Variants in ARHGAP8 observed in about 807,000 individuals in gnomAD.
ARHGAP8 encodes rho GTPase-activating protein 8.
Under a neutral mutation model 46.1 loss-of-function variants are expected in ARHGAP8, and 62 were observed. The ratio of observed to expected loss-of-function variants is 1.34; its 90% CI spans 1.10 to 1.66. ARHGAP8 has a LOEUF of 1.66. Among genes scored for constraint, ARHGAP8 ranks in the 40% most tolerant of loss-of-function variants. ARHGAP8 has a pLI of 0.00. For synonymous variants in ARHGAP8, 375 were observed against 243.1 expected (o/e 1.54, Z -5.05); for missense variants, 923 against 568.4 (o/e 1.62, Z -6.34).
chr22:44,834,096 C>G (rs996844981), intron 7 of ARHGAP8, among the ~76,000 whole-genome samples: 8 of 151,982 alleles, frequency 5.3e-5, no homozygotes, highest in African/African-American at 1.7e-4. Flanking sequence ...TTCAAGGAGT[C>G]AACTTTTGGT....
intron 1 of ARHGAP8, among the ~76,000 whole-genome samples, chr22:44,774,372 C>G (rs1200955178): frequency 6.6e-6 from 1 of 152,176 alleles, no homozygotes; most frequent in Admixed American, 6.5e-5. Flanking sequence ...GCTGACACAG[C>G]TGCAGTGATA....
chr22:44,825,232 C>T (rs1383484692), intron 6 of ARHGAP8, among the ~76,000 whole-genome samples: 2 of 152,084 alleles, frequency 1.3e-5, no homozygotes, highest in Non-Finnish European at 2.9e-5. Context: ...GCTCTGCTGG[C>T]CAGGGGCCTC....
intron 2 of ARHGAP8, 36 bp downstream of exon 2, chr22:44,786,642 G>A (rs760623314): frequency 1.3e-6 from 2 of 1,596,398 alleles, no homozygotes; most frequent in East Asian, 2.3e-5. Flanking sequence ...AGGACCATGG[G>A]CAGAGCAGCC....
At chr22:44,795,085 A>G (rs1180843425) in intron 2 of ARHGAP8, among the ~76,000 whole-genome samples, 1 of 152,112 alleles carries the variant, frequency 6.6e-6, no homozygotes, top group Non-Finnish European at 1.5e-5. Context: ...TATGAAAACA[A>G]AATACCAAAT....
chr22:44,857,955 G>T (rs62232226), intron 10 of ARHGAP8, among the ~76,000 whole-genome samples: 22,643 of 144,980 alleles, frequency 0.16, 2,209 homozygotes, highest in African/African-American at 0.29. Flanking sequence ...CAGAGCTGAG[G>T]GTGACCTGCA....
Position 44,766,948 on chromosome 22 carries a change from A to C in ARHGAP8, c.-72+14321A>C, listed in dbSNP as rs1215096344. On this transcript the variant is annotated intron_variant, in intron 1 of 11. Transcript: ENST00000356099. Reference sequence around the variant, plus strand: ...CAGGTGGAGTGAGGAGGCTGGTTGAAAATGGATATCAAGTCTGGGAAAATG... The same window carrying C: ...CAGGTGGAGTGAGGAGGCTGGTTGACAATGGATATCAAGTCTGGGAAAATG... Among the ~76,000 whole-genome samples, 3 of 152,182 alleles carry C rather than the reference A, an allele frequency of 2.0e-5. No individual in the cohort carries two copies. In the South Asian group the frequency reaches 6.2e-4, roughly 32 times the overall value.
At chr22:44,787,282 C>T (rs1927326870) in intron 2 of ARHGAP8, among the ~76,000 whole-genome samples, 1 of 152,198 alleles carries the variant, frequency 6.6e-6, no homozygotes, top group South Asian at 2.1e-4. Context: ...CAAACAACTC[C>T]GTGCCCAGCA....
In ARHGAP8 at chr22:44,862,122, G is replaced by A. The variant is rs73889805; in HGVS notation, c.982-153G>A. Among the ~76,000 whole-genome samples, 1,439 of 152,302 alleles carry A rather than the reference G, an allele frequency of 9.4e-3. 25 individuals carry two copies. Among genetic ancestry groups the A allele is most frequent in the African/African-American group, 0.031 (1,296 of 41,566 alleles). On this transcript the variant is annotated intron_variant, in intron 11 of 11. Transcript: ENST00000356099. ...GGGTAACTAAGGCCCTGAGTGGGCA[G>A]GTGGCTGCACAGGGTCCCCATTACT...
rs554264863 is a variant in ARHGAP8 at position 44,800,220 on chromosome 22, C to T, written c.80-1857C>T. Among the ~76,000 whole-genome samples, 31 of 151,630 alleles carry T rather than the reference C, an allele frequency of 2.0e-4. No individual in the cohort carries two copies. In the East Asian group the frequency reaches 3.9e-3, roughly 19 times the overall value. On this transcript the variant is annotated intron_variant, in intron 2 of 11. Transcript: ENST00000356099. ...CCGGGTTCAAGCCATTCTCCTGCCT[C>T]AGCCTCCCAGGTAGCTAGGACTGTA...
chr22:44,768,014 T>TTTTTTG (rs1925714912), intron 1 of ARHGAP8, among the ~76,000 whole-genome samples: 1 of 123,632 alleles, frequency 8.1e-6, no homozygotes. Context: ...TTTTTTTTTT[T>TTTTTTG]TGTGAGACAG....
intron 2 of ARHGAP8, among the ~76,000 whole-genome samples, chr22:44,793,451 G>A (rs143311035): frequency 9.2e-5 from 14 of 152,246 alleles, no homozygotes; most frequent in East Asian, 5.8e-4. Flanking sequence ...TTCCGTTGCC[G>A]GCTGGGCTTT....
At chr22:44,814,434 C>T (rs1170579948) in intron 4 of ARHGAP8, among the ~76,000 whole-genome samples, 3 of 152,202 alleles carry the variant, frequency 2.0e-5, no homozygotes, top group African/African-American at 7.2e-5. Context: ...AGGGCTCCGA[C>T]TTGCAGCTGT....
At chr22:44,859,542 A>G (rs1212283832) in intron 10 of ARHGAP8, 189 bp from the exon 11 acceptor site, 1 of 614,758 alleles carries the variant, frequency 1.6e-6, no homozygotes, top group South Asian at 1.9e-5. Flanking sequence ...TCTCAGCAAG[A>G]ATAGCCAAAC....
At chr22:44,773,710 G>A (rs1012886911) in intron 1 of ARHGAP8, among the ~76,000 whole-genome samples, 4 of 152,154 alleles carry the variant, frequency 2.6e-5, no homozygotes, top group Non-Finnish European at 5.9e-5. Flanking sequence ...AATCTCCCGA[G>A]TAGCTAGGAC....
At chr22:44,810,183 C>A (rs1196863969) in intron 4 of ARHGAP8, among the ~76,000 whole-genome samples, 1 of 152,038 alleles carries the variant, frequency 6.6e-6, no homozygotes, top group East Asian at 1.9e-4. Context: ...GGCTGTGATC[C>A]CGGACCTGTC....
Position 44,862,536 on chromosome 22 carries a change from G to T in ARHGAP8, c.1243G>T (p.Gly415Cys), listed in dbSNP as rs766770295. ...GGCTGTGCCACGGACACAAGCCACG[G>T]GCCTCACCAAGCCTACCCTACCTCC... ...QEAVPRTQAT[G>C]LTKPTLPPSP... The change falls in exon 12 of 12, where the codon GGC (glycine) becomes TGC (cysteine). Residue 415 changes from glycine to cysteine, a missense_variant. By Grantham distance (159) the Gly-to-Cys change is radical. Coordinates refer to ENST00000356099, the MANE Select transcript of ARHGAP8 (RefSeq NM_181335.3). The T allele has an allele frequency of 2.0e-5, 32 of 1,609,264 alleles. No homozygotes were observed. Among genetic ancestry groups the T allele is most frequent in the Non-Finnish European group, 2.6e-5 (31 of 1,176,262 alleles).
At chr22:44,800,756 GGCCGCCTCTCCCC>G in intron 2 of ARHGAP8, among the ~76,000 whole-genome samples, 8 of 13,382 alleles carry the variant, frequency 6.0e-4, no homozygotes, top group African/African-American at 3.7e-3. Context: ...CGTGTGTGGG[GGCCGCCTCTCCCC>G]GCAGCTGTCC....
At chr22:44,791,390 A>T (rs1419228056) in intron 2 of ARHGAP8, among the ~76,000 whole-genome samples, 1 of 152,058 alleles carries the variant, frequency 6.6e-6, no homozygotes, top group Non-Finnish European at 1.5e-5. Context: ...CTTGTGTTGG[A>T]GCAGAGTTTT....
intron 7 of ARHGAP8, among the ~76,000 whole-genome samples, chr22:44,842,708 G>T (rs575622610): frequency 6.6e-6 from 1 of 152,206 alleles, no homozygotes; most frequent in South Asian, 2.1e-4. Flanking sequence ...CTTCCTTGGG[G>T]GCCACCAGGG....
Sources: gnomAD v4.1 joint callset for allele counts (sites outside exome capture counted in the v4.1 genomes callset) on GRCh38, gnomAD v4.1.1 for gene constraint, MANE v1.5 for transcripts, NCBI Gene and HGNC (gene_info 2026-07-23, HGNC 2026-07-21) for gene names.